Variants in RIMBP2 observed in about 807,000 individuals in gnomAD.
The protein encoded by RIMBP2 is RIMS-binding protein 2.
A neutral mutation model predicts 118.6 loss-of-function variants in RIMBP2; 48 were observed. The observed-to-expected ratio is 0.40, with a 90% CI of 0.32 to 0.51. The LOEUF (loss-of-function observed/expected upper bound fraction) is 0.51. Among genes scored for constraint, RIMBP2 ranks in the 20% least tolerant of loss-of-function variants. RIMBP2 has a pLI of 0.41. For missense variants in RIMBP2, 1,551 were observed against 1,768.3 expected (o/e 0.88, Z 2.20); for synonymous variants, 762 against 742.9 (o/e 1.03, Z -0.42).
intron 2 of RIMBP2, among the ~76,000 whole-genome samples, chr12:130,608,226 G>A (rs567915199): frequency 3.3e-5 from 5 of 152,292 alleles, no homozygotes; most frequent in African/African-American, 4.8e-5. Flanking sequence ...CCAAGCTTAC[G>A]GCTGAATAAA....
At chr12:130,439,279 T>TTGTGTGTGTATATGTGGGTGTGTG (rs1491343388) in intron 11 of RIMBP2, among the ~76,000 whole-genome samples, 2 of 151,800 alleles carry the variant, frequency 1.3e-5, no homozygotes, top group Admixed American at 6.6e-5. Flanking sequence ...TGTATGTACA[T>TTGTGTGTGTATATGTGGGTGTGTG]TGTGTGTGTA....
At chr12:130,460,025 G>A (rs1172906375) in intron 6 of RIMBP2, among the ~76,000 whole-genome samples, 4 of 152,194 alleles carry the variant, frequency 2.6e-5, no homozygotes, top group African/African-American at 7.2e-5. Context: ...ACTAATCTAC[G>A]CACAGGAACT....
At chr12:130,611,590 A>AG (rs1594034181) in intron 2 of RIMBP2, among the ~76,000 whole-genome samples, 4 of 152,316 alleles carry the variant, frequency 2.6e-5, no homozygotes, top group African/African-American at 9.6e-5. Flanking sequence ...TTACCTCCGT[A>AG]GCCTGGGCTA....
chr12:130,479,285 C>G (rs1263336069), intron 4 of RIMBP2, among the ~76,000 whole-genome samples: 1 of 152,246 alleles, frequency 6.6e-6, no homozygotes, highest in Non-Finnish European at 1.5e-5. Context: ...AGAACTCTGT[C>G]CTCATGCAAA....
At chr12:130,480,842 C>T (rs559877425) in intron 4 of RIMBP2, among the ~76,000 whole-genome samples, 8 of 152,232 alleles carry the variant, frequency 5.3e-5, no homozygotes, top group Non-Finnish European at 1.0e-4. Context: ...CTCAGGCGAT[C>T]CGCCTGCCTC....
Position 130,497,137 on chromosome 12 carries a change from A to G in RIMBP2, c.-4+9511T>C, listed in dbSNP as rs185395741. ...CCAAACTCCCCTCTCCTTTCTTTCC[A>G]AAGCCTGTCACTGAACGAGGGCCCT... On this transcript the variant is annotated intron_variant, in intron 4 of 22. Transcript: ENST00000690449. Among the ~76,000 whole-genome samples the G allele has an allele frequency of 7.7e-4, 117 of 152,024 alleles. 4 individuals are homozygous for G. The East Asian group carries it at 0.016, about 21-fold the overall frequency.
chr12:130,409,392 G>C (rs1380459898), intron 19 of RIMBP2, among the ~76,000 whole-genome samples: 2 of 141,108 alleles, frequency 1.4e-5, no homozygotes, highest in African/African-American at 5.3e-5. Flanking sequence ...GCCCAGGCTG[G>C]AGTGCAGTGG....
intron 2 of RIMBP2, among the ~76,000 whole-genome samples, chr12:130,616,205 TGAA>T (rs1302520970): frequency 6.6e-6 from 1 of 152,148 alleles, no homozygotes; most frequent in Non-Finnish European, 1.5e-5. Flanking sequence ...CCTAGACATC[TGAA>T]GAAGATGACT....
intron 7 of RIMBP2, among the ~76,000 whole-genome samples, chr12:130,452,505 C>G (rs376799624): frequency 6.6e-6 from 1 of 152,206 alleles, no homozygotes; most frequent in African/African-American, 2.4e-5. Context: ...AAGTGAATAT[C>G]GAACGATTCA....
chr12:130,497,752 TTTTG>T (rs1361346483), intron 4 of RIMBP2, among the ~76,000 whole-genome samples: 1 of 152,224 alleles, frequency 6.6e-6, no homozygotes, highest in East Asian at 1.9e-4. Flanking sequence ...ATAAAAAGCA[TTTTG>T]TTTATTTTAT....
At chr12:130,658,497 C>T (rs1467313046) in intron 1 of RIMBP2, 1 of 152,120 alleles carries the variant, frequency 6.6e-6, no homozygotes, top group African/African-American at 2.4e-5. Flanking sequence ...AGACGGCAGA[C>T]AACAGTTTAA....
chr12:130,436,881 C>T lies in RIMBP2; in HGVS notation c.2067G>A (p.Met689Ile). 6.4e-7 allele frequency: 1 copy of T among 1,572,934 alleles called. No individual in the cohort carries two copies. Among genetic ancestry groups the T allele is most frequent in the Non-Finnish European group, 8.6e-7 (1 of 1,161,452 alleles). Residue 689 changes from methionine (M) to isoleucine (I), a missense_variant, in exon 13 of 23, where the codon ATG becomes ATA. By Grantham distance (10) the Met-to-Ile change is conservative (BLOSUM62 1). Around this residue, in one of 5 missense-constraint regions of RIMBP2, gnomAD observed 1,038 missense variants for 1,125.1 expected, o/e 0.92. Coordinates refer to ENST00000690449, the MANE Select transcript of RIMBP2 (RefSeq NM_001393629.1). The part of the protein sequence containing the change: ...TPVSTTVAKA[M>I]AREAAQRVAE... ...CCACCCTCTGCGCGGCCTCCCGGGC[C>T]ATGGCCTTGGCGACGGTGGTGGACA...
At chr12:130,662,680 G>C (rs1158541392) in intron 1 of RIMBP2, among the ~76,000 whole-genome samples, 1 of 151,964 alleles carries the variant, frequency 6.6e-6, no homozygotes, top group Non-Finnish European at 1.5e-5. Context: ...GATAGGCTGG[G>C]CACAGTAGCT....
At chr12:130,657,054 C>T (rs905160746) in intron 1 of RIMBP2, among the ~76,000 whole-genome samples, 8 of 152,212 alleles carry the variant, frequency 5.3e-5, no homozygotes, top group Admixed American at 3.3e-4. Context: ...ACCACCATGC[C>T]TACTATTTTT....
chr12:130,423,040 C>T (rs1421734361), intron 16 of RIMBP2, among the ~76,000 whole-genome samples: 2 of 152,194 alleles, frequency 1.3e-5, no homozygotes, highest in Admixed American at 6.5e-5. Context: ...GAAGTTTCTA[C>T]ATTTTATCAG....
At chr12:130,590,765 G>A (rs1003641203) in intron 2 of RIMBP2, among the ~76,000 whole-genome samples, 2 of 152,144 alleles carry the variant, frequency 1.3e-5, no homozygotes, top group East Asian at 1.9e-4. Flanking sequence ...GAAGGAATGC[G>A]GTTTTTAAAA....
rs561438731 is a variant in RIMBP2, at chr12:130,434,629, G to T, written c.2253+105C>A. The T allele has an allele frequency of 5.5e-6, 7 of 1,276,186 alleles. 1 individual carries two copies. In the South Asian group the frequency reaches 7.6e-5, roughly 14 times the overall value. 79.1% of individuals were successfully genotyped at this position (1,276,186 alleles called of 1,614,324 possible). On this transcript the variant is annotated intron_variant, in intron 14 of 22. Coordinates refer to ENST00000690449, the MANE Select transcript of RIMBP2 (RefSeq NM_001393629.1). This position sits in a 1 kb window ranked among gnomAD's most constrained non-coding sequence, Gnocchi z 5.7. ...GCTGGGCGTCTCCATCTCTCTCAGG[G>T]ACCCAAGGGTAGCGGGGAAAGTGCC...
intron 4 of RIMBP2, among the ~76,000 whole-genome samples, chr12:130,499,330 T>C (rs1394041533): frequency 6.6e-6 from 1 of 152,216 alleles, no homozygotes; most frequent in African/African-American, 2.4e-5. Context: ...ATAGCTAACT[T>C]GTATACCTCT....
At chr12:130,506,219 C>T (rs2050330887) in intron 4 of RIMBP2, among the ~76,000 whole-genome samples, 1 of 151,946 alleles carries the variant, frequency 6.6e-6, no homozygotes, top group African/African-American at 2.4e-5. Flanking sequence ...TTACCTGTAC[C>T]CCCTGATAGA....
Sources: gnomAD v4.1 joint callset for allele counts (sites outside exome capture counted in the v4.1 genomes callset) on GRCh38, gnomAD v4.1.1 for gene constraint, gnomAD v4.1.1 regional missense constraint, Gnocchi (gnomAD v3.1) non-coding constraint, MANE v1.5 for transcripts, NCBI Gene and HGNC (gene_info 2026-07-23, HGNC 2026-07-21) for gene names.